Variants in FIGN observed in about 807,000 individuals in gnomAD.
FIGN encodes the protein fidgetin.
A neutral mutation model predicts 51.3 loss-of-function variants in FIGN; 11 were observed. That is an observed-to-expected ratio of 0.21 (90% CI 0.13 to 0.35). The LOEUF is 0.35. Among genes scored for constraint, FIGN ranks in the 10% least tolerant of loss-of-function variants. FIGN has a pLI of 1.00. For missense variants in FIGN, 857 were observed against 943.6 expected, an observed-to-expected ratio of 0.91 and a Z score of 1.20; for synonymous variants, 407 against 363.2, an observed-to-expected ratio of 1.12 and a Z score of -1.37.
At chr2:163,642,752 C>A (rs1486787867) in intron 2 of FIGN, among the ~76,000 whole-genome samples, 1 of 151,862 alleles carries the variant, frequency 6.6e-6, no homozygotes, top group Non-Finnish European at 1.5e-5. Flanking sequence ...TGGATAAAAT[C>A]AGAAAATAAA....
At chr2:163,654,765 C>T (rs140405297) in intron 2 of FIGN, among the ~76,000 whole-genome samples, 8 of 152,190 alleles carry the variant, frequency 5.3e-5, no homozygotes, top group Non-Finnish European at 1.2e-4. Context: ...GTGAAGGATA[C>T]CTCATTTACA....
chr2:163,610,902 G>A lies in FIGN; in HGVS notation c.930C>T (p.Asn310=), dbSNP rs767053036. ...LTPIAPSALT[N]SSASSLKRKA... ...TCCTTTTGAGAGAACTTGCTGAACT[G>A]TTTGTCAGAGCCGACGGTGCAATAG... Residue 310 remains asparagine (N), a synonymous_variant, in exon 3 of 3, where the codon AAC becomes AAT. Coordinates refer to ENST00000333129, the MANE Select transcript of FIGN (RefSeq NM_018086.4). 2 of 1,613,460 alleles carry A rather than the reference G, an allele frequency of 1.2e-6. No homozygotes were observed. Among genetic ancestry groups the A allele is most frequent in the East Asian group, 2.2e-5 (1 of 44,782 alleles).
intron 2 of FIGN, among the ~76,000 whole-genome samples, chr2:163,631,500 G>A (rs1256822895): frequency 6.6e-6 from 1 of 152,016 alleles, no homozygotes; most frequent in African/African-American, 2.4e-5. Context: ...CTTAGCTTGA[G>A]CGTTCTCCTC....
chr2:163,689,792 C>T (rs1684210460), intron 2 of FIGN, among the ~76,000 whole-genome samples: 1 of 152,008 alleles, frequency 6.6e-6, no homozygotes, highest in African/African-American at 2.4e-5. Context: ...TTATATAATC[C>T]ATTCGCTGGT....
chr2:163,648,418 G>T (rs1573925183), intron 2 of FIGN, among the ~76,000 whole-genome samples: 1 of 152,094 alleles, frequency 6.6e-6, no homozygotes, highest in South Asian at 2.1e-4. Flanking sequence ...GCCAAGTCCT[G>T]CCCTGGGAAA....
At chr2:163,641,250 T>G (rs1683301614) in intron 2 of FIGN, among the ~76,000 whole-genome samples, 1 of 152,218 alleles carries the variant, frequency 6.6e-6, no homozygotes, top group African/African-American at 2.4e-5. Flanking sequence ...AAAGCTAGAA[T>G]TGTGCAGTTT....
chr2:163,732,841 T>G (rs1020717520), intron 2 of FIGN, among the ~76,000 whole-genome samples: 2 of 152,246 alleles, frequency 1.3e-5, no homozygotes, highest in Non-Finnish European at 2.9e-5. Flanking sequence ...TGATAGATGT[T>G]TCTCTTGATA....
At chr2:163,617,561 G>A (rs1682900825) in intron 2 of FIGN, among the ~76,000 whole-genome samples, 1 of 152,110 alleles carries the variant, frequency 6.6e-6, no homozygotes, top group African/African-American at 2.4e-5. Context: ...ATGTCTTATA[G>A]GATTGGATAC....
At position 163,604,635 on chromosome 2, in the gene FIGN, CA is replaced by C. The variant is rs1691044739; in HGVS notation, c.*4916del. On this transcript the variant is annotated 3_prime_UTR_variant, in exon 3 of 3. Coordinates refer to ENST00000333129, the MANE Select transcript of FIGN (RefSeq NM_018086.4). ...AGACAACAAATAAATACTACATGTA[CA>C]ATATGTAGCAATGAGGTAGAAATGG... 6.6e-6 allele frequency: 1 copy of C among 151,640 alleles called. No individual in the cohort carries two copies. The highest frequency in any genetic ancestry group is 2.1e-4 in the South Asian group (1 of 4,808). The allele number at this position is 151,640 out of a possible 1,614,324, so 9.4% of individuals were successfully genotyped here. A position where few individuals can be genotyped will look rare whatever the true frequency, so the allele number is the denominator to read the frequency against.
intron 2 of FIGN, among the ~76,000 whole-genome samples, chr2:163,732,908 T>C (rs1190635133): frequency 1.3e-5 from 2 of 152,224 alleles, no homozygotes; most frequent in Non-Finnish European, 2.9e-5. Flanking sequence ...AACACACTTT[T>C]AATTTGCAAC....
Position 163,606,932 on chromosome 2 carries a change from A to G in FIGN, c.*2620T>C, listed in dbSNP as rs1017657918. The G allele has an allele frequency of 6.6e-6, 1 of 152,258 alleles. No homozygotes were observed. The highest frequency in any genetic ancestry group is 6.5e-5 in the Admixed American group (1 of 15,278). The allele number at this position is 152,258 out of a possible 1,614,324, so 9.4% of individuals were successfully genotyped here. On this transcript the variant is annotated 3_prime_UTR_variant, in exon 3 of 3. Transcript: ENST00000333129. ...TCTAATTTTTAAGTCACTTAAAGCT[A>G]AAAGCCAAGATGTATGACTTCAATT...
intron 2 of FIGN, among the ~76,000 whole-genome samples, chr2:163,615,724 A>G (rs1271675918): frequency 2.0e-5 from 3 of 152,180 alleles, no homozygotes; most frequent in Non-Finnish European, 2.9e-5. Context: ...CTATTTTAAC[A>G]TTATTAGAAG....
chr2:163,655,480 T>G (rs1297023260), intron 2 of FIGN, among the ~76,000 whole-genome samples: 1 of 152,128 alleles, frequency 6.6e-6, no homozygotes, highest in East Asian at 1.9e-4. Flanking sequence ...TTCAGAAACA[T>G]CATATATACC....
chr2:163,734,895 T>G lies in FIGN; in HGVS notation c.25+8A>C. The G allele has an allele frequency of 6.2e-7, 1 of 1,606,240 alleles. No homozygotes were observed. ...ATGCAAAGGAAGTAAATTCCAAAACTGACATACCATAAACACTGGTGCTAC... is the reference window on the plus strand; with the variant it reads ...ATGCAAAGGAAGTAAATTCCAAAACGGACATACCATAAACACTGGTGCTAC... On this transcript the variant is annotated splice_region_variant and intron_variant, in intron 2 of 2. Coordinates refer to ENST00000333129, the MANE Select transcript of FIGN (RefSeq NM_018086.4).
At chr2:163,680,870 C>A (rs559843179) in intron 2 of FIGN, among the ~76,000 whole-genome samples, 5 of 152,122 alleles carry the variant, frequency 3.3e-5, no homozygotes, top group African/African-American at 9.6e-5. Context: ...AAAAAAAATG[C>A]CTTATTAGTT....
chr2:163,612,157 A>C (rs1351875077), intron 2 of FIGN, among the ~76,000 whole-genome samples: 1 of 152,196 alleles, frequency 6.6e-6, no homozygotes, highest in Non-Finnish European at 1.5e-5. Flanking sequence ...CATTCCTGTC[A>C]AATTAGAATT....
intron 2 of FIGN, among the ~76,000 whole-genome samples, chr2:163,640,220 C>G (rs1341907194): frequency 1.3e-5 from 2 of 151,986 alleles, no homozygotes; most frequent in Non-Finnish European, 2.9e-5. Flanking sequence ...CATGTTTAAT[C>G]AAGTTAGATA....
intron 2 of FIGN, among the ~76,000 whole-genome samples, chr2:163,644,017 T>C (rs1217842981): frequency 6.7e-6 from 1 of 148,508 alleles, no homozygotes; most frequent in Non-Finnish European, 1.5e-5. Context: ...GCGCTTCTCT[T>C]AGAAGAAAAC....
rs139367092 is a variant in FIGN, at chr2:163,652,624, T to C, written c.26-40818A>G. 2.0e-3 allele frequency among the ~76,000 whole-genome samples: 299 copies of C among 152,288 alleles called. 3 individuals are homozygous for C. The highest frequency in any genetic ancestry group is 6.7e-3 in the African/African-American group (279 of 41,578). ...TTAGGTTAACCAGCATATGTTCTGCTAAAGAAGTTTATGTAGTTTTTCTTG... is the reference window on the plus strand; with the variant it reads ...TTAGGTTAACCAGCATATGTTCTGCCAAAGAAGTTTATGTAGTTTTTCTTG... On this transcript the variant is annotated intron_variant, in intron 2 of 2. Transcript: ENST00000333129.
Sources: gnomAD v4.1 joint callset for allele counts (sites outside exome capture counted in the v4.1 genomes callset) on GRCh38, gnomAD v4.1.1 for gene constraint, MANE v1.5 for transcripts, NCBI Gene and HGNC (gene_info 2026-07-23, HGNC 2026-07-21) for gene names.